The following SKAP2 variants were observed in gnomAD, a reference collection of about 807,000 sequenced individuals.
SKAP2 encodes src kinase-associated phosphoprotein 2.
In SKAP2, 28 loss-of-function variants were observed where a neutral mutation model predicts 54.9. The observed-to-expected ratio is 0.51, with a 90% CI of 0.38 to 0.70. SKAP2 has a LOEUF of 0.70. Ranked by LOEUF, SKAP2 falls within the 30% of genes least tolerant of loss-of-function variation. The pLI is 0.00. For missense variants in SKAP2, 356 were observed against 424.1 expected (o/e 0.84, Z 1.41); for synonymous variants, 137 against 134.3 (o/e 1.02, Z -0.14).
chr7:26,680,079 A>G (rs1331789193), intron 11 of SKAP2, among the ~76,000 whole-genome samples: 1 of 152,228 alleles, frequency 6.6e-6, no homozygotes, highest in Non-Finnish European at 1.5e-5. Flanking sequence ...TTCTTTTAAT[A>G]TCAAAGTACT....
chr7:26,761,990 A>G (rs1782942804), intron 4 of SKAP2, among the ~76,000 whole-genome samples: 1 of 152,258 alleles, frequency 6.6e-6, no homozygotes, highest in Non-Finnish European at 1.5e-5. Flanking sequence ...GCAGCTAAGA[A>G]AAGTAAATTT....
At chr7:26,846,779 G>A (rs1396503256) in intron 3 of SKAP2, among the ~76,000 whole-genome samples, 2 of 152,184 alleles carry the variant, frequency 1.3e-5, no homozygotes, top group East Asian at 1.9e-4. Context: ...TCAGGAGTTT[G>A]AGACCAGCCT....
At chr7:26,721,839 G>C (rs555121515) in intron 9 of SKAP2, among the ~76,000 whole-genome samples, 4 of 152,242 alleles carry the variant, frequency 2.6e-5, no homozygotes, top group Middle Eastern at 3.4e-3. Context: ...AACAGGGTTG[G>C]TTTCTGCAGC....
At chr7:26,679,016 A>G (rs2128085657) in intron 11 of SKAP2, among the ~76,000 whole-genome samples, 1 of 152,306 alleles carries the variant, frequency 6.6e-6, no homozygotes, top group East Asian at 1.9e-4. Context: ...ATATCAACGT[A>G]GTGCTTTTCT....
intron 9 of SKAP2, among the ~76,000 whole-genome samples, chr7:26,723,147 G>C (rs1419683159): frequency 1.3e-5 from 2 of 152,130 alleles, no homozygotes; most frequent in Non-Finnish European, 2.9e-5. Flanking sequence ...TGTCCTGAAA[G>C]AGAGACAATT....
At chr7:26,714,526 A>T (rs1232068653) in intron 9 of SKAP2, among the ~76,000 whole-genome samples, 1 of 152,232 alleles carries the variant, frequency 6.6e-6, no homozygotes, top group Non-Finnish European at 1.5e-5. Context: ...AAAGTTTTAC[A>T]TTACTCAGCT....
At chr7:26,777,592 T>C (rs541152037) in intron 4 of SKAP2, among the ~76,000 whole-genome samples, 5 of 152,162 alleles carry the variant, frequency 3.3e-5, no homozygotes, top group Admixed American at 6.5e-5. Flanking sequence ...ATCCACATGG[T>C]AGCAGTGTGT....
In SKAP2 at chr7:26,725,987, C is replaced by T. The variant is rs868671995; in HGVS notation, c.595-1G>A. The T allele has an allele frequency of 6.2e-7, 1 of 1,604,822 alleles. No individual in the cohort carries two copies. The highest frequency in any genetic ancestry group is 1.1e-5 in the South Asian group (1 of 90,876). Reference sequence around the variant, plus strand: ...CATCTTTGGGAGAAGCTGCTGTAAACTAATATAAAACAAACAGTAAGAACG... The same window carrying T: ...CATCTTTGGGAGAAGCTGCTGTAAATTAATATAAAACAAACAGTAAGAACG... On this transcript the variant is annotated splice_acceptor_variant, in intron 7 of 12. Coordinates refer to ENST00000345317, the MANE Select transcript of SKAP2 (RefSeq NM_003930.5). LOFTEE classifies it high-confidence loss of function.
intron 11 of SKAP2, among the ~76,000 whole-genome samples, chr7:26,674,647 G>T (rs1786314756): frequency 6.6e-6 from 1 of 152,180 alleles, no homozygotes; most frequent in Admixed American, 6.5e-5. Context: ...CCTGATTGAA[G>T]ACACTAAGTT....
intron 4 of SKAP2, among the ~76,000 whole-genome samples, chr7:26,782,924 C>T (rs1349836185): frequency 1.3e-5 from 2 of 152,162 alleles, no homozygotes; most frequent in Non-Finnish European, 2.9e-5. Context: ...TTATAAGTTA[C>T]CCAGGCTAAG....
intron 4 of SKAP2, among the ~76,000 whole-genome samples, chr7:26,761,170 T>C (rs990686566): frequency 6.6e-6 from 1 of 152,210 alleles, no homozygotes; most frequent in Non-Finnish European, 1.5e-5. Flanking sequence ...TCCAGTTTTC[T>C]TTCTAATTCA....
chr7:26,742,998 CTA>C (rs1782486246), intron 4 of SKAP2, among the ~76,000 whole-genome samples: 1 of 152,068 alleles, frequency 6.6e-6, no homozygotes, highest in Non-Finnish European at 1.5e-5. Flanking sequence ...AGAAACAAGA[CTA>C]TAAAAATACA....
chr7:26,795,889 C>T (rs615431), intron 4 of SKAP2, among the ~76,000 whole-genome samples: 122,277 of 152,124 alleles, frequency 0.8, 49,384 homozygotes, highest in Middle Eastern at 0.88. Context: ...CAGTGGACCC[C>T]TGAACAACAC....
chr7:26,702,985 G>A (rs1013899400), intron 9 of SKAP2, among the ~76,000 whole-genome samples: 1 of 152,230 alleles, frequency 6.6e-6, no homozygotes, highest in African/African-American at 2.4e-5. Flanking sequence ...TTAAAACCCA[G>A]ATTGCTGTGC....
chr7:26,677,952 G>C (rs186140902), intron 11 of SKAP2, among the ~76,000 whole-genome samples: 27 of 152,330 alleles, frequency 1.8e-4, no homozygotes, highest in African/African-American at 6.3e-4. Flanking sequence ...ATTAACCTCT[G>C]ATATAGAAGA....
rs534381134 is a variant in SKAP2, at chr7:26,769,891, C to T, written c.308-29927G>A. ...TGTCCCATATGAGGTGTCTGTCGAC[C>T]CCTGCTGGGAGGTGTCTCCCAGTCA... is the stretch of plus-strand genomic sequence containing the variant. On this transcript the variant is annotated intron_variant, in intron 4 of 12. Transcript: ENST00000345317. Among the ~76,000 whole-genome samples the T allele has an allele frequency of 7.2e-5, 11 of 152,258 alleles. No individual in the cohort carries two copies. The East Asian group carries it at 2.1e-3, about 29-fold the overall frequency.
At chr7:26,732,465 A>T (rs1787841921) in intron 6 of SKAP2, among the ~76,000 whole-genome samples, 2 of 152,190 alleles carry the variant, frequency 1.3e-5, no homozygotes. Context: ...TTTCTGCATA[A>T]ACAAAGTTGG....
At chr7:26,803,012 AC>A (rs1463939559) in intron 4 of SKAP2, among the ~76,000 whole-genome samples, 1 of 152,194 alleles carries the variant, frequency 6.6e-6, no homozygotes, top group African/African-American at 2.4e-5. Flanking sequence ...AAACTATGAA[AC>A]TACTACAAGA....
intron 4 of SKAP2, among the ~76,000 whole-genome samples, chr7:26,752,165 T>C (rs1288271134): frequency 1.3e-5 from 2 of 152,118 alleles, no homozygotes; most frequent in Non-Finnish European, 2.9e-5. Context: ...AATTCACTTA[T>C]AAGCTTTATA....
Sources: gnomAD v4.1 joint callset for allele counts (sites outside exome capture counted in the v4.1 genomes callset) on GRCh38, gnomAD v4.1.1 for gene constraint, MANE v1.5 for transcripts, NCBI Gene and HGNC (gene_info 2026-07-23, HGNC 2026-07-21) for gene names.